The following PCBP3 variants were observed in gnomAD, a reference collection of about 807,000 sequenced individuals.
PCBP3 encodes the protein poly(rC) binding protein 3, also known as poly(rC)-binding protein 3.
In PCBP3, 25 loss-of-function variants were observed where a neutral mutation model predicts 52.7. The observed-to-expected ratio is 0.47, with a 90% CI of 0.35 to 0.66. PCBP3 has a LOEUF of 0.66. Ranked by LOEUF, PCBP3 falls within the 30% of genes least tolerant of loss-of-function variation. The pLI is 0.01. For missense variants in PCBP3, 391 were observed against 490.3 expected (o/e 0.80, Z 1.91); for synonymous variants, 162 against 183.0 (o/e 0.89, Z 0.93).
intron 5 of PCBP3, among the ~76,000 whole-genome samples, chr21:45,881,979 T>C (rs1399913295): frequency 2.0e-5 from 3 of 152,242 alleles, no homozygotes; most frequent in African/African-American, 4.8e-5. Context: ...TCTAGGCTGT[T>C]GTGAGTTGTG....
intron 5 of PCBP3, among the ~76,000 whole-genome samples, chr21:45,865,640 T>C (rs2094691218): frequency 6.6e-6 from 1 of 152,132 alleles, no homozygotes; most frequent in South Asian, 2.1e-4. Context: ...CCTGACTCAT[T>C]TGGGAACTGA....
chr21:45,798,800 G>C (rs1335663611), intron 4 of PCBP3, among the ~76,000 whole-genome samples: 1 of 151,718 alleles, frequency 6.6e-6, no homozygotes, highest in East Asian at 1.9e-4. Flanking sequence ...TAGAGAGAGT[G>C]AATGCGTACA....
intron 4 of PCBP3, among the ~76,000 whole-genome samples, chr21:45,842,664 A>G (rs920590162): frequency 6.6e-6 from 1 of 152,192 alleles, no homozygotes; most frequent in African/African-American, 2.4e-5. Context: ...TGAATCTTAC[A>G]TCAATCTTCT....
chr21:45,860,936 C>A lies in PCBP3; in HGVS notation c.10+10841C>A, dbSNP rs139791172. Among the ~76,000 whole-genome samples, 296 of 152,338 alleles carry A rather than the reference C, an allele frequency of 1.9e-3. 2 individuals carry two copies. Among genetic ancestry groups the A allele is most frequent in the African/African-American group, 6.9e-3 (285 of 41,578 alleles). On this transcript the variant is annotated intron_variant, in intron 5 of 17. Transcript: ENST00000681687. ...GTGTTCGGCCTCCACTCCGAGGCTG[C>A]TGGCAGTGACCCCTCCGAGCAGGGC...
At chr21:45,832,754 T>A (rs950006093) in intron 4 of PCBP3, 1 of 152,098 alleles carries the variant, frequency 6.6e-6, no homozygotes, top group Non-Finnish European at 1.5e-5. Flanking sequence ...ATACCCAAGA[T>A]TGGGTAATTT....
chr21:45,745,914 C>T (rs903864278), intron 3 of PCBP3, among the ~76,000 whole-genome samples: 10 of 151,878 alleles, frequency 6.6e-5, no homozygotes, highest in Admixed American at 2.0e-4. Context: ...GTGTCAGCAT[C>T]GCTGTGTCAG....
At position 45,704,544 on chromosome 21, in the gene PCBP3, C is replaced by T. The variant is rs185618026; in HGVS notation, c.-199-30848C>T. ...CCAGGGGAGTGCTGTCTGCTGCTGG[C>T]GGTGGGGGGCGGTGATCGGATATGG... is the stretch of plus-strand genomic sequence containing the variant. On this transcript the variant is annotated intron_variant, in intron 2 of 17. Transcript: ENST00000681687. This position sits in a 1 kb window ranked among gnomAD's most constrained non-coding sequence, Gnocchi z 4.1. 1.3e-3 allele frequency among the ~76,000 whole-genome samples: 195 copies of T among 152,020 alleles called. No homozygotes were observed. Among genetic ancestry groups the T allele is most frequent in the African/African-American group, 4.6e-3 (190 of 41,434 alleles).
At chr21:45,804,773 G>A (rs1438212606) in intron 4 of PCBP3, among the ~76,000 whole-genome samples, 1 of 152,148 alleles carries the variant, frequency 6.6e-6, no homozygotes, top group African/African-American at 2.4e-5. Context: ...CCTCCTGTGT[G>A]TGAATGACGG....
In PCBP3 at chr21:45,800,249, G is replaced by C. The variant is rs1367344663; in HGVS notation, c.-126+44797G>C. On this transcript the variant is annotated intron_variant, in intron 4 of 17. Transcript: ENST00000681687. The surrounding 1 kb of genome is among the most constrained non-coding windows in gnomAD (Gnocchi z 5.3). ...CTTGGGAGCACCGGGCCAAGCCAGA[G>C]GCTCCTGGCAGATCCACCCACAGAG... 2.0e-5 allele frequency among the ~76,000 whole-genome samples: 3 copies of C among 152,206 alleles called. No homozygotes were observed. The highest frequency in any genetic ancestry group is 2.0e-4 in the Admixed American group (3 of 15,284).
In PCBP3 at chr21:45,770,095, T is replaced by C. The variant is rs540984909; in HGVS notation, c.-126+14643T>C. On this transcript the variant is annotated intron_variant, in intron 4 of 17. Coordinates refer to ENST00000681687, the MANE Select transcript of PCBP3 (RefSeq NM_001384156.1). Reference sequence around the variant, plus strand: ...GGTGGCGGCCTCGTGTTGGACATGGTGCATAATCGACGGCGACCCGGCCTC... The same window carrying C: ...GGTGGCGGCCTCGTGTTGGACATGGCGCATAATCGACGGCGACCCGGCCTC... 2.6e-5 allele frequency among the ~76,000 whole-genome samples: 4 copies of C among 152,288 alleles called. No homozygotes were observed. In the South Asian group the frequency reaches 8.3e-4, roughly 32 times the overall value.
At chr21:45,780,950 G>T (rs144235516) in intron 4 of PCBP3, among the ~76,000 whole-genome samples, 100 of 152,284 alleles carry the variant, frequency 6.6e-4, no homozygotes, top group African/African-American at 2.2e-3. Context: ...GTGTCAGTGG[G>T]GTACATCTGG....
chr21:45,884,706 A>G (rs2095478947), intron 5 of PCBP3, among the ~76,000 whole-genome samples: 2 of 152,140 alleles, frequency 1.3e-5, no homozygotes, highest in Admixed American at 6.5e-5. Flanking sequence ...GACCACAGAC[A>G]GGCACCACCA....
At chr21:45,811,215 T>G (rs2092679365) in intron 4 of PCBP3, among the ~76,000 whole-genome samples, 1 of 152,238 alleles carries the variant, frequency 6.6e-6, no homozygotes, top group African/African-American at 2.4e-5. Context: ...ACTCCATGGC[T>G]TACAGCACAA....
At chr21:45,787,955 T>G (rs746830991) in intron 4 of PCBP3, among the ~76,000 whole-genome samples, 4 of 152,166 alleles carry the variant, frequency 2.6e-5, no homozygotes, top group Non-Finnish European at 4.4e-5. Context: ...GGGTAACTTT[T>G]TAGCAGACTA....
intron 2 of PCBP3, among the ~76,000 whole-genome samples, chr21:45,684,784 C>T (rs937483310): frequency 2.6e-5 from 4 of 152,144 alleles, no homozygotes; most frequent in African/African-American, 9.7e-5. Context: ...CTCAGATATT[C>T]CTTTATAGCA....
intron 11 of PCBP3, among the ~76,000 whole-genome samples, chr21:45,912,876 C>T (rs1337169304): frequency 6.6e-6 from 1 of 152,076 alleles, no homozygotes; most frequent in Non-Finnish European, 1.5e-5. Context: ...CCCCACAGTA[C>T]TTGAGGTCAC....
chr21:45,932,588 T>C (rs1419164939), intron 15 of PCBP3, among the ~76,000 whole-genome samples: 1 of 151,626 alleles, frequency 6.6e-6, no homozygotes, highest in Admixed American at 6.6e-5. Flanking sequence ...AACGAACACC[T>C]GGGCCATGCT....
chr21:45,663,596 G>A (rs150782488), intron 1 of PCBP3, among the ~76,000 whole-genome samples: 120 of 152,124 alleles, frequency 7.9e-4, no homozygotes, highest in African/African-American at 2.4e-3. Context: ...TTTCTTCTGC[G>A]TATGGCTATC....
chr21:45,912,603 G>A (rs1251507408), intron 11 of PCBP3, among the ~76,000 whole-genome samples: 4 of 152,002 alleles, frequency 2.6e-5, no homozygotes, highest in Admixed American at 2.0e-4. Flanking sequence ...CCAGCACCCT[G>A]TACCCAGTGC....
Sources: allele counts gnomAD v4.1 joint callset (sites outside exome capture counted in the v4.1 genomes callset), GRCh38; gene constraint gnomAD v4.1.1; non-coding constraint Gnocchi (gnomAD v3.1); transcripts MANE v1.5; gene names NCBI Gene and HGNC (gene_info 2026-07-23, HGNC 2026-07-21).